Variants in CWF19L1 observed in about 807,000 individuals in gnomAD.
CWF19L1 encodes the protein CWF19 like cell cycle control factor 1, also known as CWF19-like protein 1.
Under a neutral mutation model 69.7 loss-of-function variants are expected in CWF19L1, and 60 were observed. That is an observed-to-expected ratio of 0.86 (90% CI 0.70 to 1.07). The LOEUF (loss-of-function observed/expected upper bound fraction) is 1.07. Ranked by LOEUF, CWF19L1 falls within the 50% of genes least tolerant of loss-of-function variation. The pLI, the probability that CWF19L1 is intolerant of heterozygous loss-of-function variation, is 0.00. For missense variants in CWF19L1, 591 were observed against 638.9 expected (o/e 0.92, Z 0.81); for synonymous variants, 209 against 222.2 (o/e 0.94, Z 0.53).
In CWF19L1 at chr10:100,260,977, C is replaced by T. The variant is rs777593642; in HGVS notation, c.176G>A (p.Gly59Asp). 3.1e-6 allele frequency: 5 copies of T among 1,601,994 alleles called. No individual in the cohort carries two copies. The highest frequency in any genetic ancestry group is 4.3e-6 in the Non-Finnish European group (5 of 1,172,080). ...AATAATTTCTATACCTTTCTTGATG[C>T]CAGTCTTATACTCCTCCCATTCAGC... ...QDAEWEEYKT[G>D]IKKAPIQTYV... Residue 59 changes from glycine to aspartate, a missense_variant, in exon 3 of 14, where the codon GGC (glycine) becomes GAC (aspartate). Coordinates refer to ENST00000354105, the MANE Select transcript of CWF19L1 (RefSeq NM_018294.6).
chr10:100,249,161 A>T (rs185735066), intron 7 of CWF19L1: 1 of 348,754 alleles, frequency 2.9e-6, no homozygotes, highest in East Asian at 6.0e-5. Flanking sequence ...CCAACCCTAG[A>T]AATCACTATG....
At chr10:100,233,633 AC>A (rs1846345061) in intron 13 of CWF19L1, among the ~76,000 whole-genome samples, 1 of 152,154 alleles carries the variant, frequency 6.6e-6, no homozygotes, top group African/African-American at 2.4e-5. Context: ...AAGCAACACC[AC>A]ATAGAAAAAG....
At chr10:100,241,031 GAC>G (rs1846622265) in intron 10 of CWF19L1, among the ~76,000 whole-genome samples, 1 of 16,584 alleles carries the variant, frequency 6.0e-5, no homozygotes, top group Admixed American at 7.6e-4. Context: ...TTTTTTTTGT[GAC>G]AGAGTCTTGC....
rs1180003937 is a variant in CWF19L1, at chr10:100,235,651, A to G, written c.1472+16T>C. ...GCAGGTCTAGTGAAAATACATTGAA[A>G]AGAAGAAAAACATACCTTCCAAACT... On this transcript the variant is annotated intron_variant, in intron 13 of 13. Coordinates refer to ENST00000354105, the MANE Select transcript of CWF19L1 (RefSeq NM_018294.6). The G allele has an allele frequency of 1.9e-6, 3 of 1,573,680 alleles. No homozygotes were observed. Among genetic ancestry groups the G allele is most frequent in the Non-Finnish European group, 2.6e-6 (3 of 1,146,384 alleles).
chr10:100,235,173 A>G (rs183425413), intron 13 of CWF19L1, among the ~76,000 whole-genome samples: 16 of 152,316 alleles, frequency 1.1e-4, no homozygotes, highest in African/African-American at 3.6e-4. Flanking sequence ...ATCGTTGTGA[A>G]AAGTCTACCG....
intron 4 of CWF19L1, 60 bp from the exon 5 acceptor site, chr10:100,256,536 T>A: frequency 7.5e-7 from 1 of 1,336,470 alleles, no homozygotes; most frequent in Non-Finnish European, 1.1e-6. Context: ...AAGCCATCAA[T>A]AGGGGGATGA....
chr10:100,260,197 AT>A lies in CWF19L1; in HGVS notation c.289+20del. The A allele has an allele frequency of 6.6e-7, 1 of 1,504,918 alleles. No individual in the cohort carries two copies. Among genetic ancestry groups the A allele is most frequent in the Non-Finnish European group, 9.1e-7 (1 of 1,096,454 alleles). The allele number at this position is 1,504,918 out of a possible 1,614,324, so 93.2% of individuals were successfully genotyped here. ...ACAAAAAACAAAAAACAAAAAAAAA[AT>A]ACAACAAGTATCAGCTTACCCAGAT... On this transcript the variant is annotated intron_variant, in intron 4 of 13. Transcript: ENST00000354105.
In CWF19L1 at chr10:100,240,230, T is replaced by A. The variant is rs568326964; in HGVS notation, c.1045-1999A>T. On this transcript the variant is annotated intron_variant, in intron 10 of 13. Transcript: ENST00000354105. ...TAAAATGCATTGATTTTGCAATAAT[T>A]ATTTTACACTCTCAGCAGCCCTTCC... is the stretch of plus-strand genomic sequence containing the variant. 8.5e-5 allele frequency among the ~76,000 whole-genome samples: 13 copies of A among 152,318 alleles called. No homozygotes were observed. In the South Asian group the frequency reaches 2.7e-3, roughly 32 times the overall value.
In CWF19L1 at chr10:100,238,160, C is replaced by A; in HGVS notation, c.1116G>T (p.Gln372His). Reference sequence around the variant, plus strand: ...CCTCTGCTGAAAGCTCCACCACTGACTGGTAGTGTCCAATAGGCAGGATGA... The same window carrying A: ...CCTCTGCTGAAAGCTCCACCACTGAATGGTAGTGTCCAATAGGCAGGATGA... ...HVLILPIGHYQSVVELSAEVV... is the reference protein window; with the variant it reads ...HVLILPIGHYHSVVELSAEVV... Residue 372 changes from glutamine to histidine, a missense_variant, in exon 11 of 14, where the codon CAG becomes CAT. Transcript: ENST00000354105. 6.2e-7 allele frequency: 1 copy of A among 1,614,192 alleles called. No homozygotes were observed. Among genetic ancestry groups the A allele is most frequent in the Non-Finnish European group, 8.5e-7 (1 of 1,180,040 alleles).
rs1437878481 is a variant in CWF19L1 at position 100,260,240 on chromosome 10, T to G, written c.267A>C (p.Leu89Phe). 2 of 1,608,708 alleles carry G rather than the reference T, an allele frequency of 1.2e-6. No individual in the cohort carries two copies. The highest frequency in any genetic ancestry group is 2.7e-5 in the African/African-American group (2 of 74,716). ...KYFQDADGCE[L>F]AENITYLGRK... is the part of the protein sequence containing the mutation. ...TACCCAGATAAGTAATGTTTTCAGCTAATTCACATCCATCAGCATCCTGGA... is the reference window on the plus strand; with the variant it reads ...TACCCAGATAAGTAATGTTTTCAGCGAATTCACATCCATCAGCATCCTGGA... Residue 89 changes from leucine to phenylalanine, a missense_variant, in exon 4 of 14, where the codon TTA becomes TTC. Leu to Phe is a conservative substitution (Grantham distance 22, BLOSUM62 0). Around this residue, in one of 3 missense-constraint regions of CWF19L1, gnomAD observed 129 missense variants for 131.3 expected, o/e 0.98. Transcript: ENST00000354105.
intron 8 of CWF19L1, among the ~76,000 whole-genome samples, chr10:100,246,315 AG>A (rs1483279352): frequency 1.3e-5 from 2 of 152,252 alleles, no homozygotes; most frequent in African/African-American, 4.8e-5. Flanking sequence ...AAGAAAGAAA[AG>A]TCTGAGAAAG....
At chr10:100,250,389 G>A in intron 6 of CWF19L1, 57 bp from the exon 7 acceptor site, 1 of 1,071,896 alleles carries the variant, frequency 9.3e-7, no homozygotes, top group Non-Finnish European at 1.4e-6. Flanking sequence ...GATTTGCAAT[G>A]ACAAAATATG....
intron 5 of CWF19L1, among the ~76,000 whole-genome samples, chr10:100,255,145 T>TA (rs1381445114): frequency 1.9e-4 from 29 of 152,238 alleles, no homozygotes; most frequent in African/African-American, 6.0e-4. Context: ...TCCTTAGGCT[T>TA]ACTTCCACCA....
intron 10 of CWF19L1, 103 bp downstream of exon 10, chr10:100,243,595 C>T (rs1846705943): frequency 2.9e-6 from 3 of 1,023,440 alleles, no homozygotes; most frequent in African/African-American, 1.6e-5. Flanking sequence ...CCGAATCATA[C>T]ACTTAAACAT....
chr10:100,249,086 C>G, intron 7 of CWF19L1: 1 of 507,666 alleles, frequency 2.0e-6, no homozygotes, highest in Middle Eastern at 5.4e-4. Context: ...GGCCACCCTG[C>G]CTGCACCTCC....
rs975386569 is a variant in CWF19L1 at position 100,253,597 on chromosome 10, A to T, written c.505-58T>A. 3 of 939,706 alleles carry T rather than the reference A, an allele frequency of 3.2e-6. No homozygotes were observed. The African/African-American group carries it at 4.9e-5, about 15-fold the overall frequency. 58.2% of individuals were successfully genotyped at this position (939,706 alleles called of 1,614,324 possible). A position where few individuals can be genotyped will look rare whatever the true frequency, so the allele number is the denominator to read the frequency against. ...CCAAAAGTTATCAAGAAATGCAAAT[A>T]AATAATAAGACATTTTGAAATGTCT... On this transcript the variant is annotated intron_variant, in intron 5 of 13. Transcript: ENST00000354105.
chr10:100,265,451 T>C (rs562297256), intron 1 of CWF19L1, among the ~76,000 whole-genome samples: 2 of 151,550 alleles, frequency 1.3e-5, no homozygotes, highest in African/African-American at 2.4e-5. Flanking sequence ...GCAAACTCCA[T>C]TCATGATAAG....
chr10:100,257,778 C>T (rs1000290903), intron 4 of CWF19L1, among the ~76,000 whole-genome samples: 1 of 151,972 alleles, frequency 6.6e-6, no homozygotes, highest in Admixed American at 6.6e-5. Flanking sequence ...TTGTTCCTAC[C>T]CCCTAGATGA....
intron 7 of CWF19L1, among the ~76,000 whole-genome samples, chr10:100,249,561 G>T (rs192162893): frequency 6.6e-6 from 1 of 152,212 alleles, no homozygotes; most frequent in African/African-American, 2.4e-5. Context: ...GCCCTAAGGA[G>T]AGCTTAGGTA....
Sources: gnomAD v4.1 joint callset for allele counts (sites outside exome capture counted in the v4.1 genomes callset) on GRCh38, gnomAD v4.1.1 for gene constraint, gnomAD v4.1.1 regional missense constraint, MANE v1.5 for transcripts, NCBI Gene and HGNC (gene_info 2026-07-23, HGNC 2026-07-21) for gene names.